The following GUCY2D variants were observed in gnomAD, a reference collection of about 807,000 sequenced individuals.
The protein encoded by GUCY2D is retinal guanylyl cyclase 1.
Under a neutral mutation model 101.3 loss-of-function variants are expected in GUCY2D, and 70 were observed. That is an observed-to-expected ratio of 0.69 (90% CI 0.57 to 0.84). The LOEUF is 0.84. Ranked by LOEUF, GUCY2D falls within the 40% of genes least tolerant of loss-of-function variation. The pLI, the probability that GUCY2D is intolerant of heterozygous loss-of-function variation, is 0.00. For synonymous variants in GUCY2D, 688 were observed against 670.7 expected (o/e 1.03, Z -0.40); for missense variants, 1,460 against 1,542.5 (o/e 0.95, Z 0.90).
intron 19 of GUCY2D, among the ~76,000 whole-genome samples, chr17:8,018,947 G>A (rs1239599382): frequency 2.0e-5 from 3 of 152,030 alleles, no homozygotes; most frequent in East Asian, 1.9e-4. Flanking sequence ...GCACTTGTAA[G>A]TTCTGGTTAC....
chr17:8,019,103 G>GAAGATTTTCCTT (rs1976027262), intron 19 of GUCY2D, among the ~76,000 whole-genome samples: 1 of 152,174 alleles, frequency 6.6e-6, no homozygotes. Flanking sequence ...TTACATTCTT[G>GAAGATTTTCCTT]AAGATTTTCC....
intron 15 of GUCY2D, 95 bp downstream of exon 15, chr17:8,015,597 T>A: frequency 7.9e-7 from 1 of 1,269,850 alleles, no homozygotes. Flanking sequence ...GAGCGGGGAG[T>A]GGGGCTTACC....
At chr17:8,015,120 C>T (rs1363349259) in intron 14 of GUCY2D, 69 bp downstream of exon 14, 31 of 1,352,222 alleles carry the variant, frequency 2.3e-5, no homozygotes, top group Non-Finnish European at 2.9e-5. Flanking sequence ...CCCAGCCCTT[C>T]CTGCGCAGCC....
At chr17:8,009,612 C>T (rs376062280) in intron 8 of GUCY2D, 26 bp downstream of exon 8, 379 of 1,495,394 alleles carry the variant, frequency 2.5e-4, no homozygotes, top group Non-Finnish European at 3.3e-4. Flanking sequence ...GTGATGGGGC[C>T]TAGGTGGCCA....
chr17:8,005,485 C>G (rs991931747), intron 3 of GUCY2D, among the ~76,000 whole-genome samples: 9 of 152,242 alleles, frequency 5.9e-5, no homozygotes, highest in African/African-American at 2.2e-4. Flanking sequence ...GACCAAGCTA[C>G]TCTGGGTTCT....
rs1490079420 is a variant in GUCY2D at position 8,006,170 on chromosome 17, A to AGAGAGAGCCAATGGGGAGGGAGG, written c.1027-192_1027-170dup. On this transcript the variant is annotated intron_variant, in intron 3 of 19. Coordinates refer to ENST00000254854, the MANE Select transcript of GUCY2D (RefSeq NM_000180.4). ...AGAGAGAGCCAGTGGGGAGGGAGGA[A>AGAGAGAGCCAATGGGGAGGGAGG]GAGAGAGCCAATGGGGAGGGAGGAA... 2.4e-4 allele frequency among the ~76,000 whole-genome samples: 36 copies of AGAGAGAGCCAATGGGGAGGGAGG among 151,814 alleles called. No individual in the cohort carries two copies. The East Asian group carries it at 6.2e-3, about 26-fold the overall frequency.
intron 16 of GUCY2D, 35 bp downstream of exon 16, chr17:8,015,876 G>GGGGGACACGGGAGGTGAGTCCC (rs907939825): frequency 1.9e-6 from 3 of 1,600,332 alleles, no homozygotes; most frequent in Non-Finnish European, 2.6e-6. Flanking sequence ...GGAGGTGGGA[G>GGGGGACACGGGAGGTGAGTCCC]GGGGACACGG....
chr17:8,016,261 C>G lies in GUCY2D; in HGVS notation c.3195C>G (p.Pro1065=), dbSNP rs765119055. 1.8e-5 allele frequency: 28 copies of G among 1,582,410 alleles called. No individual in the cohort carries two copies. The highest frequency in any genetic ancestry group is 2.3e-5 in the East Asian group (1 of 43,680). The change falls in exon 18 of 20, where the codon CCC becomes CCG. Residue 1065 remains proline, a synonymous_variant. Transcript: ENST00000254854. ...WLVGRRGFNK[P]IPKPPDLQPG... is the part of the protein sequence containing the mutation. ...TGGGCAGACGCGGCTTCAACAAGCC[C>G]ATCCCCAAACCGCCTGACCTGCAAC...
chr17:8,005,197 G>A (rs549100277), intron 3 of GUCY2D, among the ~76,000 whole-genome samples: 8 of 152,196 alleles, frequency 5.3e-5, no homozygotes, highest in Admixed American at 2.0e-4. Flanking sequence ...GAATTCATCC[G>A]CTTTCTCCAT....
Position 8,012,615 on chromosome 17 carries a change from C to G in GUCY2D, c.2113+9C>G, listed in dbSNP as rs201717870. On this transcript the variant is annotated intron_variant, in intron 10 of 19. Coordinates refer to ENST00000254854, the MANE Select transcript of GUCY2D (RefSeq NM_000180.4). ...GCCTCCCAGAGCGGAGGGTAAGAGT[C>G]CCCTGTGCAGACGAGGATCCACCGG... The G allele has an allele frequency of 1.6e-5, 26 of 1,608,444 alleles. No homozygotes were observed. Among genetic ancestry groups the G allele is most frequent in the Admixed American group, 5.0e-5 (3 of 60,016 alleles).
rs1975654405 is a variant in GUCY2D, at chr17:8,002,989, A to T, written c.-9-50A>T. The T allele has an allele frequency of 2.1e-6, 3 of 1,398,350 alleles. No individual in the cohort carries two copies. Among genetic ancestry groups the T allele is most frequent in the Non-Finnish European group, 2.9e-6 (3 of 1,031,450 alleles). The allele number at this position is 1,398,350 out of a possible 1,614,324, so 86.6% of individuals were successfully genotyped here. The stretch of plus-strand genomic sequence containing the variant: ...AACTCGGGGTTACGGGGAGAACCCT[A>T]GGGGAGGCCGGGGTCTCAGTCGCTC... On this transcript the variant is annotated intron_variant, in intron 1 of 19. Transcript: ENST00000254854. The surrounding 1 kb of genome is among the most constrained non-coding windows in gnomAD (Gnocchi z 4.9).
intron 5 of GUCY2D, 133 bp downstream of exon 5, chr17:8,007,277 T>C (rs1975763917): frequency 1.1e-6 from 1 of 907,878 alleles, no homozygotes; most frequent in African/African-American, 1.6e-5. Context: ...TCTGGTGGGC[T>C]GGTAGAGTCC....
intron 19 of GUCY2D, chr17:8,016,790 C>T: frequency 3.7e-6 from 2 of 533,806 alleles, no homozygotes; most frequent in East Asian, 3.2e-5. Flanking sequence ...TTCTGTGGCC[C>T]CTCCCCTGGC....
In GUCY2D at chr17:8,003,279, C is replaced by A. The variant is rs558294899; in HGVS notation, c.232C>A (p.Arg78Ser). The A allele has an allele frequency of 4.7e-6, 7 of 1,494,372 alleles. 1 individual carries two copies. The South Asian group carries it at 8.8e-5, about 19-fold the overall frequency. 92.6% of individuals were successfully genotyped at this position (1,494,372 alleles called of 1,614,324 possible). ...TCGGGCTCGCCCGGACCTGGCCGCC[C>A]GCCTGGCCGCCGCCCGCCTGAACCG... ...FSRARPDLAARLAAARLNRDP... is the reference protein window; with the variant it reads ...FSRARPDLAASLAAARLNRDP... The change falls in exon 2 of 20, where the codon CGC becomes AGC. Residue 78 changes from arginine to serine, a missense_variant. Arg to Ser is a moderately radical substitution (Grantham distance 110). Around this residue, in one of 3 missense-constraint regions of GUCY2D, gnomAD observed 1,196 missense variants for 1,229.6 expected, o/e 0.97. Coordinates refer to ENST00000254854, the MANE Select transcript of GUCY2D (RefSeq NM_000180.4).
chr17:8,012,095 C>T, intron 8 of GUCY2D, 49 bp from the exon 9 acceptor site: 1 of 1,304,064 alleles, frequency 7.7e-7, no homozygotes, highest in Middle Eastern at 2.5e-4. Context: ...ACAGCCCCTT[C>T]CCCACATTGC....
Position 8,002,852 on chromosome 17 carries a change from G to C in GUCY2D, c.-10+118G>C, listed in dbSNP as rs954693331. The C allele has an allele frequency of 1.9e-6, 1 of 539,944 alleles. No individual in the cohort carries two copies. The highest frequency in any genetic ancestry group is 2.4e-5 in the South Asian group (1 of 41,620). The allele number at this position is 539,944 out of a possible 1,614,324, so 33.4% of individuals were successfully genotyped here. On this transcript the variant is annotated intron_variant, in intron 1 of 19. Coordinates refer to ENST00000254854, the MANE Select transcript of GUCY2D (RefSeq NM_000180.4). The surrounding 1 kb of genome is among the most constrained non-coding windows in gnomAD (Gnocchi z 4.9). ...GCAGGCCGGGTGGGAGCGGGAAGCC[G>C]GGGCGGCAGAAGGGGGCTTCGGGGC...
intron 14 of GUCY2D, 93 bp from the exon 15 acceptor site, chr17:8,015,235 A>C (rs1467462646): frequency 7.9e-7 from 1 of 1,271,384 alleles, no homozygotes; most frequent in Non-Finnish European, 1.1e-6. Flanking sequence ...GTTCTGCACT[A>C]ACCCCAGGTG....
rs1975907048 is a variant in GUCY2D at position 8,013,907 on chromosome 17, C to T, written c.2291C>T (p.Pro764Leu). The change falls in exon 12 of 20, where the codon CCT becomes CTT. Residue 764 changes from proline (P) to leucine (L), a missense_variant. Transcript: ENST00000254854. The surrounding 1 kb of genome is among the most constrained non-coding windows in gnomAD (Gnocchi z 5.0). ...EEVVQRVRSPPPLCRPLVSMD... is the reference protein window; with the variant it reads ...EEVVQRVRSPLPLCRPLVSMD... Reference sequence around the variant, plus strand: ...GTGGTGCAGAGGGTGCGGAGCCCCCCTCCACTGTGTCGGCCCTTGGTGTCC... The same window carrying T: ...GTGGTGCAGAGGGTGCGGAGCCCCCTTCCACTGTGTCGGCCCTTGGTGTCC... The T allele has an allele frequency of 6.2e-7, 1 of 1,613,548 alleles. No homozygotes were observed. The highest frequency in any genetic ancestry group is 8.5e-7 in the Non-Finnish European group (1 of 1,179,466).
Position 8,016,192 on chromosome 17 carries a change from C to T in GUCY2D, c.3139-13C>T, listed in dbSNP as rs1258857507. On this transcript the variant is annotated splice_polypyrimidine_tract_variant and intron_variant, in intron 17 of 19. Transcript: ENST00000254854. ...AGTCCGCCTAAGTCCTTCCCTCTCC[C>T]ATGTCTCCCCAGGGCAAGGGCGCCG... 1.9e-6 allele frequency: 3 copies of T among 1,562,006 alleles called. No individual in the cohort carries two copies. The highest frequency in any genetic ancestry group is 2.6e-6 in the Non-Finnish European group (3 of 1,146,478).
Sources: gnomAD v4.1 joint callset for allele counts (sites outside exome capture counted in the v4.1 genomes callset) on GRCh38, gnomAD v4.1.1 for gene constraint, gnomAD v4.1.1 regional missense constraint, Gnocchi (gnomAD v3.1) non-coding constraint, MANE v1.5 for transcripts, NCBI Gene and HGNC (gene_info 2026-07-23, HGNC 2026-07-21) for gene names.